TMLHE: variants seen among roughly 807,000 people sequenced by gnomAD.
The protein encoded by TMLHE is trimethyllysine dioxygenase, mitochondrial.
TMLHE carries 18 observed loss-of-function variants against 25.7 expected under a neutral mutation model. The ratio of observed to expected loss-of-function variants is 0.70; its 90% CI spans 0.48 to 1.04. The LOEUF is 1.04. TMLHE is among the 50% of genes least tolerant of loss of function. TMLHE has a pLI of 0.00. For synonymous variants in TMLHE, 105 were observed against 97.0 expected (o/e 1.08, Z -0.49); for missense variants, 236 against 259.0 (o/e 0.91, Z 0.61).
At chrX:155,578,174 C>A (rs782527997) in intron 1 of TMLHE, among the ~76,000 whole-genome samples, 14 of 111,737 alleles carry the variant, frequency 1.3e-4, no homozygotes, top group South Asian at 1.1e-3. Flanking sequence ...CCCACAAGTG[C>A]CTGCTTGCAC....
At chrX:155,515,437 T>A (rs1469051738) in intron 3 of TMLHE, among the ~76,000 whole-genome samples, 4 of 110,784 alleles carry the variant, frequency 3.6e-5, no homozygotes, top group African/African-American at 1.3e-4. Context: ...TTAGTGATCA[T>A]CTTTAACCAT....
At chrX:155,549,393 G>A (rs782122251) in intron 1 of TMLHE, among the ~76,000 whole-genome samples, 5 of 109,663 alleles carry the variant, frequency 4.6e-5, no homozygotes, top group Non-Finnish European at 1.9e-5. Context: ...TTTCTGGTTG[G>A]GGAAGTTTCC....
rs1421307209 is a variant in TMLHE at position 155,561,518 on chromosome X, T to C, written c.-1-16241A>G. On this transcript the variant is annotated intron_variant, in intron 1 of 7. Coordinates refer to ENST00000334398, the MANE Select transcript of TMLHE (RefSeq NM_018196.4). ...CTGGCCCCTCACAAATCTCATGTCC[T>C]TTTCACATTTCAAACCCAATCATGC... 9.8e-5 allele frequency among the ~76,000 whole-genome samples: 6 copies of C among 61,308 alleles called. 1 individual carries two copies. The highest frequency in any genetic ancestry group is 2.2e-4 in the African/African-American group (6 of 27,655). The allele number at this position is 61,308 out of a possible 115,157, so 53.2% of individuals were successfully genotyped here.
chrX:155,581,016 G>A (rs781897658), intron 1 of TMLHE, among the ~76,000 whole-genome samples: 3 of 111,723 alleles, frequency 2.7e-5, no homozygotes, highest in Middle Eastern at 4.6e-3. Flanking sequence ...AGGCTGGTTC[G>A]ACATATGCAA....
intron 1 of TMLHE, among the ~76,000 whole-genome samples, chrX:155,568,615 T>C (rs1224755745): frequency 1.6e-5 from 1 of 61,162 alleles, no homozygotes; most frequent in African/African-American, 3.6e-5. Flanking sequence ...CTCACACGGC[T>C]GGGTACTCCT....
intron 5 of TMLHE, among the ~76,000 whole-genome samples, 179 bp downstream of exon 5, chrX:155,511,494 A>G (rs2067112604): frequency 9.0e-6 from 1 of 110,544 alleles, no homozygotes; most frequent in Admixed American, 9.7e-5. Context: ...GGCCTAATAC[A>G]GAATCTAAAA....
chrX:155,577,853 G>A (rs2067600940), intron 1 of TMLHE, among the ~76,000 whole-genome samples: 2 of 111,511 alleles, frequency 1.8e-5, no homozygotes, highest in African/African-American at 6.5e-5. Context: ...CTCTGAGGAC[G>A]AATCCCATCC....
At chrX:155,529,927 G>A (rs2067240158) in intron 2 of TMLHE, among the ~76,000 whole-genome samples, 1 of 111,628 alleles carries the variant, frequency 9.0e-6, no homozygotes, top group African/African-American at 3.3e-5. Context: ...CATTGCCAAG[G>A]CCAATGTCAA....
intron 1 of TMLHE, among the ~76,000 whole-genome samples, chrX:155,583,324 A>G (rs2067643691): frequency 8.9e-6 from 1 of 111,815 alleles, no homozygotes; most frequent in African/African-American, 3.3e-5. Flanking sequence ...AGTATAATAA[A>G]AAAAAAGAAA....
chrX:155,605,467 C>G (rs191276313), intron 1 of TMLHE, among the ~76,000 whole-genome samples: 1 of 111,949 alleles, frequency 8.9e-6, no homozygotes, highest in Admixed American at 9.5e-5. Context: ...GAAACTCCAA[C>G]CAAGAATTTC....
intron 1 of TMLHE, among the ~76,000 whole-genome samples, chrX:155,547,951 C>G (rs1351822848): frequency 2.7e-5 from 3 of 110,995 alleles, no homozygotes; most frequent in South Asian, 3.8e-4. Context: ...TGGTAGAAAA[C>G]AAAGTCTCTC....
chrX:155,609,568 C>T (rs1225568420), intron 1 of TMLHE, among the ~76,000 whole-genome samples: 1 of 111,861 alleles, frequency 8.9e-6, no homozygotes, highest in Non-Finnish European at 1.9e-5. Flanking sequence ...AACCTTTGCC[C>T]TTCAACATAC....
intron 2 of TMLHE, among the ~76,000 whole-genome samples, chrX:155,542,933 G>GGGGTGT (rs1557338360): frequency 9.2e-6 from 1 of 108,588 alleles, no homozygotes; most frequent in Non-Finnish European, 1.9e-5. Context: ...TTTATTTTAA[G>GGGGTGT]GGGTGTGTGT....
At chrX:155,582,533 A>G (rs2067636684) in intron 1 of TMLHE, among the ~76,000 whole-genome samples, 1 of 112,498 alleles carries the variant, frequency 8.9e-6, no homozygotes, top group South Asian at 3.6e-4. Flanking sequence ...ACACTTCTCA[A>G]AAGAAGACAT....
intron 1 of TMLHE, among the ~76,000 whole-genome samples, chrX:155,550,368 GTTCT>G (rs2067406838): frequency 1.8e-5 from 2 of 110,768 alleles, no homozygotes; most frequent in African/African-American, 3.3e-5. Flanking sequence ...GTGAAAATAA[GTTCT>G]TTCTATAATG....
intron 3 of TMLHE, among the ~76,000 whole-genome samples, chrX:155,515,310 T>A (rs1172704007): frequency 7.2e-5 from 8 of 111,031 alleles, no homozygotes; most frequent in Admixed American, 6.7e-4. Context: ...TTTTAAAAAT[T>A]CAACCTTCAT....
At chrX:155,598,455 A>AT (rs1269507693) in intron 1 of TMLHE, among the ~76,000 whole-genome samples, 1 of 106,907 alleles carries the variant, frequency 9.4e-6, no homozygotes, top group Non-Finnish European at 1.9e-5. Context: ...CGCAAGGACA[A>AT]AAAACCAAAC....
intron 2 of TMLHE, among the ~76,000 whole-genome samples, chrX:155,527,368 T>G (rs1453439452): frequency 8.9e-6 from 1 of 111,883 alleles, no homozygotes; most frequent in Non-Finnish European, 1.9e-5. Context: ...GCCCTTTACC[T>G]TCTACCAAGA....
At position 155,568,519 on chromosome X, in the gene TMLHE, CA is replaced by C. The variant is rs1188003851; in HGVS notation, c.-1-23243del. ...ATGCAGCTGGAGATCTGAGAACAGG[CA>C]GACTGCCTCCTCAAGTGGGTCCCTG... On this transcript the variant is annotated intron_variant, in intron 1 of 7. Coordinates refer to ENST00000334398, the MANE Select transcript of TMLHE (RefSeq NM_018196.4). Among the ~76,000 whole-genome samples, 2 of 62,145 alleles carry C rather than the reference CA, an allele frequency of 3.2e-5. 1 individual carries two copies. Among genetic ancestry groups the C allele is most frequent in the African/African-American group, 7.2e-5 (2 of 27,961 alleles). 54.0% of individuals were successfully genotyped at this position (62,145 alleles called of 115,157 possible). A position where few individuals can be genotyped will look rare whatever the true frequency, so the allele number is the denominator to read the frequency against.
Sources: allele counts gnomAD v4.1 joint callset (sites outside exome capture counted in the v4.1 genomes callset), GRCh38; gene constraint gnomAD v4.1.1; transcripts MANE v1.5; gene names NCBI Gene and HGNC (gene_info 2026-07-23, HGNC 2026-07-21).